The following NRXN3 variants were observed in gnomAD, a reference collection of about 807,000 sequenced individuals.
NRXN3 encodes neurexin 3.
A neutral mutation model predicts 137.6 loss-of-function variants in NRXN3; 32 were observed. The ratio of observed to expected loss-of-function variants is 0.23; its 90% confidence interval spans 0.18 to 0.31. The LOEUF (loss-of-function observed/expected upper bound fraction) is 0.31, where lower values mean the gene tolerates loss of function less well. NRXN3 is among the 10% of genes least tolerant of loss of function. The pLI, the probability that NRXN3 is intolerant of heterozygous loss-of-function variation, is 1.00. For missense variants in NRXN3, 1,574 were observed against 2,062.5 expected (o/e 0.76, Z 4.59); for synonymous variants, 798 against 784.5 (o/e 1.02, Z -0.29).
chr14:78,538,347 T>C (rs2096556239), intron 4 of NRXN3, among the ~76,000 whole-genome samples: 1 of 152,240 alleles, frequency 6.6e-6, no homozygotes, highest in African/African-American at 2.4e-5. Context: ...TAAGTTGGAT[T>C]CCTAGGTACT....
At chr14:78,790,155 GTCTC>G (rs1041189903) in intron 8 of NRXN3, among the ~76,000 whole-genome samples, 6 of 151,352 alleles carry the variant, frequency 4.0e-5, no homozygotes, top group African/African-American at 9.7e-5. Context: ...TTTAAGAAAA[GTCTC>G]TATAAACTTT....
intron 6 of NRXN3, among the ~76,000 whole-genome samples, chr14:78,677,682 C>T (rs1471036062): frequency 2.0e-5 from 3 of 152,140 alleles, no homozygotes; most frequent in Non-Finnish European, 4.4e-5. Flanking sequence ...GTAAGAAGTT[C>T]AGCTGAAGGT....
chr14:78,977,408 C>T (rs2153035158), intron 14 of NRXN3, among the ~76,000 whole-genome samples: 1 of 152,248 alleles, frequency 6.6e-6, no homozygotes, highest in East Asian at 1.9e-4. Context: ...CCTTCTCTCT[C>T]TCTTTTAAAG....
intron 15 of NRXN3, among the ~76,000 whole-genome samples, chr14:79,212,599 A>G (rs1197056746): frequency 6.6e-6 from 1 of 152,174 alleles, no homozygotes; most frequent in East Asian, 1.9e-4. Context: ...GTTGTTTTAA[A>G]TGAGGCAGTT....
chr14:78,720,919 A>G lies in NRXN3; in HGVS notation c.2044+5780A>G, dbSNP rs75071017. Among the ~76,000 whole-genome samples the G allele has an allele frequency of 0.011, 1,666 of 152,294 alleles. 89 individuals carry two copies. The East Asian group carries it at 0.18, about 16-fold the overall frequency. On this transcript the variant is annotated intron_variant, in intron 8 of 20. Transcript: ENST00000335750. ...TAACATAGAGATTCCATAAACAGGTATTTAGCTCTTTTCTGTGTCAGGCTT... is the reference window on the plus strand; with the variant it reads ...TAACATAGAGATTCCATAAACAGGTGTTTAGCTCTTTTCTGTGTCAGGCTT...
intron 15 of NRXN3, among the ~76,000 whole-genome samples, chr14:79,191,100 A>G (rs1468897057): frequency 6.6e-6 from 1 of 152,190 alleles, no homozygotes; most frequent in Non-Finnish European, 1.5e-5. Flanking sequence ...CGGTCTTTGG[A>G]TGAAGGCCTG....
intron 8 of NRXN3, chr14:78,744,860 A>T (rs1386583797): frequency 1.3e-5 from 2 of 152,236 alleles, no homozygotes; most frequent in African/African-American, 4.8e-5. Flanking sequence ...GGCAAGTGTC[A>T]ACTAGGAAAG....
intron 15 of NRXN3, among the ~76,000 whole-genome samples, chr14:79,210,363 G>T (rs771046676): frequency 6.6e-6 from 1 of 152,168 alleles, no homozygotes; most frequent in Non-Finnish European, 1.5e-5. Context: ...TAACTGGCAC[G>T]TAGGAAGCAT....
In NRXN3 at chr14:78,708,067, G is replaced by A. The variant is rs113589513; in HGVS notation, c.1222-1150G>A. Among the ~76,000 whole-genome samples the A allele has an allele frequency of 2.4e-4, 36 of 152,308 alleles. 1 individual carries two copies. The Middle Eastern group carries it at 0.017, about 72-fold the overall frequency. ...TTCTTTTCCTCTGGGTAGATACCCA[G>A]TAGTGGGATTGCTGGATCAAATGGT... On this transcript the variant is annotated intron_variant, in intron 6 of 20. Transcript: ENST00000335750.
At chr14:78,711,299 T>C (rs2098405194) in intron 7 of NRXN3, among the ~76,000 whole-genome samples, 1 of 152,118 alleles carries the variant, frequency 6.6e-6, no homozygotes, top group South Asian at 2.1e-4. Flanking sequence ...AATTTTTCTT[T>C]CAAACAATTT....
intron 10 of NRXN3, among the ~76,000 whole-genome samples, chr14:78,816,099 C>G (rs779827459): frequency 6.6e-6 from 1 of 152,066 alleles, no homozygotes; most frequent in African/African-American, 2.4e-5. Flanking sequence ...CAATATTTAT[C>G]GTATCAATAA....
intron 20 of NRXN3, among the ~76,000 whole-genome samples, chr14:79,850,091 A>G (rs1459574126): frequency 1.3e-5 from 2 of 152,224 alleles, no homozygotes; most frequent in African/African-American, 4.8e-5. Flanking sequence ...ATGTTTTTGT[A>G]TATTTCATAG....
intron 4 of NRXN3, among the ~76,000 whole-genome samples, chr14:78,307,289 G>A (rs979732097): frequency 2.0e-5 from 3 of 151,594 alleles, no homozygotes; most frequent in African/African-American, 4.8e-5. Flanking sequence ...GTTCCATTGT[G>A]ACCCTTTCTG....
chr14:78,976,385 G>A (rs979172342), intron 14 of NRXN3, among the ~76,000 whole-genome samples: 2 of 152,152 alleles, frequency 1.3e-5, no homozygotes, highest in Non-Finnish European at 1.5e-5. Context: ...GGATCTGGGT[G>A]CTAAGTGCTG....
At chr14:78,538,696 T>A (rs1318129130) in intron 4 of NRXN3, among the ~76,000 whole-genome samples, 3 of 152,060 alleles carry the variant, frequency 2.0e-5, no homozygotes, top group Non-Finnish European at 4.4e-5. Context: ...TGTGCCAGTT[T>A]TCAAAGGGAA....
At chr14:78,408,750 G>T (rs752913577) in intron 4 of NRXN3, among the ~76,000 whole-genome samples, 12 of 152,228 alleles carry the variant, frequency 7.9e-5, no homozygotes, top group Non-Finnish European at 1.6e-4. Flanking sequence ...AAGCAGGAAG[G>T]AGAGGGAATT....
intron 15 of NRXN3, among the ~76,000 whole-genome samples, chr14:79,379,597 G>A (rs747343093): frequency 2.0e-5 from 3 of 152,072 alleles, no homozygotes; most frequent in Non-Finnish European, 4.4e-5. Context: ...GAGCTGTGAC[G>A]GCAGGACTGT....
chr14:79,069,446 G>A (rs2099684772), intron 15 of NRXN3, among the ~76,000 whole-genome samples: 1 of 151,986 alleles, frequency 6.6e-6, no homozygotes, highest in Non-Finnish European at 1.5e-5. Flanking sequence ...CCAGGCATGA[G>A]GGGCTTGGGA....
rs1045855110 is a variant in NRXN3 at position 79,435,916 on chromosome 14, G to A, written c.3263-31305G>A. Among the ~76,000 whole-genome samples the A allele has an allele frequency of 5.3e-5, 8 of 151,988 alleles. No homozygotes were observed. The East Asian group carries it at 1.4e-3, about 26-fold the overall frequency. ...CCCAAAGTGCTAGGATTACAGGCAC[G>A]AACCACCACACTTGGCAAATATTTA... On this transcript the variant is annotated intron_variant, in intron 15 of 20. Coordinates refer to ENST00000335750, the MANE Select transcript of NRXN3 (RefSeq NM_001330195.2).
Sources: gnomAD v4.1 joint callset for allele counts (sites outside exome capture counted in the v4.1 genomes callset) on GRCh38, gnomAD v4.1.1 for gene constraint, MANE v1.5 for transcripts, NCBI Gene and HGNC (gene_info 2026-07-23, HGNC 2026-07-21) for gene names.